Variants in SLC4A5 observed in about 807,000 individuals in gnomAD.
SLC4A5 encodes electrogenic sodium bicarbonate cotransporter 4.
A neutral mutation model predicts 120.4 loss-of-function variants in SLC4A5; 96 were observed. That is an observed-to-expected ratio of 0.80 (90% confidence interval 0.68 to 0.94). The LOEUF is 0.94. SLC4A5 is among the 40% of genes least tolerant of loss of function. The pLI is 0.00. For synonymous variants in SLC4A5, 550 were observed against 571.1 expected, an observed-to-expected ratio of 0.96 and a Z score of 0.53; for missense variants, 1,259 against 1,459.5, an observed-to-expected ratio of 0.86 and a Z score of 2.24.
intron 11 of SLC4A5, among the ~76,000 whole-genome samples, chr2:74,261,435 C>T (rs1414541863): frequency 3.9e-5 from 6 of 152,194 alleles, no homozygotes; most frequent in South Asian, 2.1e-4. Flanking sequence ...CCAAGTCACT[C>T]CTTGGGCCTG....
At chr2:74,259,029 C>T (rs1269587506) in intron 12 of SLC4A5, among the ~76,000 whole-genome samples, 1 of 152,168 alleles carries the variant, frequency 6.6e-6, no homozygotes, top group Non-Finnish European at 1.5e-5. Flanking sequence ...TCTGGGCTTC[C>T]CCAAGGGGCA....
intron 7 of SLC4A5, among the ~76,000 whole-genome samples, chr2:74,300,182 C>T (rs1487147822): frequency 1.3e-5 from 2 of 152,166 alleles, no homozygotes; most frequent in African/African-American, 2.4e-5. Context: ...AAACAGAGGG[C>T]AGAACAGTGT....
chr2:74,266,938 C>CA (rs1047198193), intron 8 of SLC4A5, among the ~76,000 whole-genome samples: 1 of 152,022 alleles, frequency 6.6e-6, no homozygotes. Flanking sequence ...AAGAAAGCAT[C>CA]AAAATACTAA....
rs1670839874 is a variant in SLC4A5, at chr2:74,252,972, A to T, written c.1268+2T>A. 3 of 1,613,918 alleles carry T rather than the reference A, an allele frequency of 1.9e-6. No individual in the cohort carries two copies. The highest frequency in any genetic ancestry group is 2.5e-6 in the Non-Finnish European group (3 of 1,179,974). ...CTCCCTACTGCCCATTCTCATACAC[A>T]CCTCTTGTCAGCAGAGGGCACCTTC... On this transcript the variant is annotated splice_donor_variant, in intron 15 of 30. Transcript: ENST00000394019. LOFTEE classifies it high-confidence loss of function.
At chr2:74,238,961 C>T (rs1419506725) in intron 21 of SLC4A5, among the ~76,000 whole-genome samples, 2 of 152,166 alleles carry the variant, frequency 1.3e-5, no homozygotes, top group African/African-American at 2.4e-5. Flanking sequence ...TCTTGCAAAT[C>T]AGAAAGGCAG....
chr2:74,306,442 C>A lies in SLC4A5; in HGVS notation c.80-1762G>T, dbSNP rs146104052. On this transcript the variant is annotated intron_variant, in intron 6 of 30. Coordinates refer to ENST00000394019, the Ensembl canonical transcript of SLC4A5. ...AATAGTCTTAGTCTGTAAGAGAGAG[C>A]GCTTCTGACCCAAATCGGCCAGAAA... is the stretch of plus-strand genomic sequence containing the variant. Among the ~76,000 whole-genome samples, 108 of 152,280 alleles carry A rather than the reference C, an allele frequency of 7.1e-4. 1 individual carries two copies. The highest frequency in any genetic ancestry group is 2.4e-3 in the African/African-American group (98 of 41,558).
At chr2:74,246,369 A>G (rs1216551698) in intron 19 of SLC4A5, among the ~76,000 whole-genome samples, 1 of 152,204 alleles carries the variant, frequency 6.6e-6, no homozygotes, top group Non-Finnish European at 1.5e-5. Context: ...AAATTCAGCC[A>G]GCATCTGGCT....
At position 74,250,232 on chromosome 2, in the gene SLC4A5, A is replaced by G. The variant is rs182939129; in HGVS notation, c.1653+111T>C. The G allele has an allele frequency of 7.4e-4, 785 of 1,054,036 alleles. 3 individuals carry two copies. The African/African-American group carries it at 0.011, about 15-fold the overall frequency. The allele number at this position is 1,054,036 out of a possible 1,614,324, so 65.3% of individuals were successfully genotyped here. ...AGGATTACAAATAGTGATGGCCTCAACCTGGATGGTAGATGAAACCTTGGT... is the reference window on the plus strand; with the variant it reads ...AGGATTACAAATAGTGATGGCCTCAGCCTGGATGGTAGATGAAACCTTGGT... On this transcript the variant is annotated intron_variant, in intron 17 of 30. Transcript: ENST00000394019.
rs1465002554 is a variant in SLC4A5, at chr2:74,265,361, T to G, written c.402-97A>C. The G allele has an allele frequency of 2.8e-6, 4 of 1,438,340 alleles. No individual in the cohort carries two copies. The African/African-American group carries it at 5.6e-5, about 20-fold the overall frequency. The allele number at this position is 1,438,340 out of a possible 1,614,324, so 89.1% of individuals were successfully genotyped here. A position where few individuals can be genotyped will look rare whatever the true frequency, so the allele number is the denominator to read the frequency against. On this transcript the variant is annotated intron_variant, in intron 8 of 30. Coordinates refer to ENST00000394019, the Ensembl canonical transcript of SLC4A5. Reference sequence around the variant, plus strand: ...AGAGGGGTGTCATGTGGGTTCATGCTATGTATGTGGTTGTGGTGTTGGTCC... The same window carrying G: ...AGAGGGGTGTCATGTGGGTTCATGCGATGTATGTGGTTGTGGTGTTGGTCC...
intron 25 of SLC4A5, among the ~76,000 whole-genome samples, chr2:74,230,028 T>A (rs1385491833): frequency 6.6e-6 from 1 of 151,938 alleles, no homozygotes; most frequent in Non-Finnish European, 1.5e-5. Flanking sequence ...AATTTTTGTA[T>A]TTTTTGTAGA....
At chr2:74,275,389 C>T (rs1461123560) in intron 8 of SLC4A5, among the ~76,000 whole-genome samples, 1 of 152,238 alleles carries the variant, frequency 6.6e-6, no homozygotes, top group African/African-American at 2.4e-5. Context: ...GCTTCTGGAA[C>T]CAAAACCTCT....
Position 74,255,864 on chromosome 2 carries a change from C to T in SLC4A5, c.936G>A (p.Val312=), listed in dbSNP as rs1268131810. The change falls in exon 13 of 31, where the codon GTG becomes GTA. Residue 312 remains valine (V), a synonymous_variant. Coordinates refer to ENST00000394019, the Ensembl canonical transcript of SLC4A5. This position sits in a 1 kb window ranked among gnomAD's most constrained non-coding sequence, Gnocchi z 4.0. Reference sequence around the variant, plus strand: ...CGATGAATGGCTGGTCTAGGAAGTCCACCTCGCCCACGAGCACGTTGGACG... The same window carrying T: ...CGATGAATGGCTGGTCTAGGAAGTCTACCTCGCCCACGAGCACGTTGGACG... 1.2e-6 allele frequency: 2 copies of T among 1,614,172 alleles called. No individual in the cohort carries two copies. Among genetic ancestry groups the T allele is most frequent in the Non-Finnish European group, 1.7e-6 (2 of 1,180,046 alleles).
chr2:74,307,607 G>A (rs1031963364), intron 6 of SLC4A5: 194 of 775,458 alleles, frequency 2.5e-4, no homozygotes, highest in Middle Eastern at 7.5e-4. Flanking sequence ...GAGCGCTCAT[G>A]TCCTCAATGG....
At chr2:74,325,577 A>T (rs1202593906) in intron 5 of SLC4A5, among the ~76,000 whole-genome samples, 1 of 152,164 alleles carries the variant, frequency 6.6e-6, no homozygotes, top group Non-Finnish European at 1.5e-5. Flanking sequence ...CCCACCATAA[A>T]AGTCCCAGCC....
intron 14 of SLC4A5, among the ~76,000 whole-genome samples, chr2:74,253,684 G>A (rs1014101527): frequency 6.6e-6 from 1 of 151,888 alleles, no homozygotes; most frequent in African/African-American, 2.4e-5. Context: ...AAGCAAATCT[G>A]ACTGATTTTC....
chr2:74,305,462 C>T (rs10169884), intron 6 of SLC4A5, among the ~76,000 whole-genome samples: 5,850 of 152,246 alleles, frequency 0.038, 389 homozygotes, highest in African/African-American at 0.13. Flanking sequence ...GCCCCTACAG[C>T]TTTCCCTATT....
At chr2:74,252,472 G>T in intron 15 of SLC4A5, 84 bp from the exon 16 acceptor site, 1 of 1,508,680 alleles carries the variant, frequency 6.6e-7, no homozygotes, top group Non-Finnish European at 8.9e-7. Context: ...TATCTTAAAA[G>T]ACAGACAAAA....
At chr2:74,243,480 G>A (rs1383664659) in intron 19 of SLC4A5, among the ~76,000 whole-genome samples, 1 of 152,216 alleles carries the variant, frequency 6.6e-6, no homozygotes, top group African/African-American at 2.4e-5. Context: ...TGTTAGGATT[G>A]TTCTGAGGAA....
chr2:74,321,052 T>C (rs747782045), intron 5 of SLC4A5, among the ~76,000 whole-genome samples: 25 of 152,344 alleles, frequency 1.6e-4, no homozygotes, highest in East Asian at 3.9e-4. Flanking sequence ...CTATTTATGA[T>C]TGGTGTCCAT....
Sources: allele counts gnomAD v4.1 joint callset (sites outside exome capture counted in the v4.1 genomes callset), GRCh38; gene constraint gnomAD v4.1.1; non-coding constraint Gnocchi (gnomAD v3.1); transcripts MANE v1.5; gene names NCBI Gene and HGNC (gene_info 2026-07-23, HGNC 2026-07-21).